IRAG1: variants seen among roughly 807,000 people sequenced by gnomAD.
IRAG1 encodes the protein IP3R-associated cGMP kinase substrate.
A neutral mutation model predicts 106.2 loss-of-function variants in IRAG1; 62 were observed. The observed-to-expected ratio is 0.58, with a 90% CI of 0.48 to 0.72. The LOEUF is 0.72. IRAG1 is among the 30% of genes least tolerant of loss of function. The pLI, the probability that IRAG1 is intolerant of heterozygous loss-of-function variation, is 0.00. For missense variants in IRAG1, 1,064 were observed against 1,140.7 expected, an observed-to-expected ratio of 0.93 and a Z score of 0.97; for synonymous variants, 462 against 443.9, an observed-to-expected ratio of 1.04 and a Z score of -0.51.
In IRAG1 at chr11:10,693,733, G is replaced by A. The variant is rs986635306; in HGVS notation, c.-131C>T. The stretch of plus-strand genomic sequence containing the variant: ...AGAGCTCCTCTGGGAGCCCCACTCC[G>A]GCCTGGCTCGGGGGATAATGGCAGG... On this transcript the variant is annotated 5_prime_UTR_variant, in exon 1 of 21. Coordinates refer to ENST00000423302, the MANE Select transcript of IRAG1 (RefSeq NM_130385.4). 52 of 1,082,626 alleles carry A rather than the reference G, an allele frequency of 4.8e-5. No individual in the cohort carries two copies. Among genetic ancestry groups the A allele is most frequent in the Non-Finnish European group, 6.4e-5 (49 of 761,106 alleles). 67.1% of individuals were successfully genotyped at this position (1,082,626 alleles called of 1,614,324 possible). A position where few individuals can be genotyped will look rare whatever the true frequency, so the allele number is the denominator to read the frequency against.
chr11:10,603,037 C>G, intron 14 of IRAG1, 83 bp downstream of exon 14: 5 of 1,481,300 alleles, frequency 3.4e-6, no homozygotes, highest in Non-Finnish European at 3.6e-6. Context: ...TAAGTGGTAT[C>G]TGTAGTTGCC....
At chr11:10,663,368 C>G (rs112894300) in intron 1 of IRAG1, among the ~76,000 whole-genome samples, 4 of 152,132 alleles carry the variant, frequency 2.6e-5, no homozygotes, top group African/African-American at 9.7e-5. Flanking sequence ...TATTAGGAAC[C>G]TGTAGGAATA....
At chr11:10,637,486 G>T (rs1857227521) in intron 2 of IRAG1, among the ~76,000 whole-genome samples, 1 of 152,096 alleles carries the variant, frequency 6.6e-6, no homozygotes, top group Non-Finnish European at 1.5e-5. Context: ...GTCCTCCTGT[G>T]GCTTTATCCC....
chr11:10,669,310 C>T (rs924732479), intron 1 of IRAG1, among the ~76,000 whole-genome samples: 7 of 152,146 alleles, frequency 4.6e-5, no homozygotes, highest in East Asian at 1.9e-4. Context: ...GCCAGTCACC[C>T]GCCTCTCTGG....
intron 10 of IRAG1, among the ~76,000 whole-genome samples, chr11:10,617,809 T>C (rs557558163): frequency 6.6e-6 from 1 of 152,320 alleles, no homozygotes; most frequent in East Asian, 1.9e-4. Flanking sequence ...TGATCTCCAA[T>C]AGCTGTCAAA....
intron 2 of IRAG1, among the ~76,000 whole-genome samples, chr11:10,651,014 T>C (rs990490102): frequency 2.6e-5 from 4 of 152,246 alleles, no homozygotes; most frequent in Non-Finnish European, 5.9e-5. Context: ...GCTCCACTTA[T>C]AGATTCTTCC....
chr11:10,651,360 T>C (rs756548563), intron 2 of IRAG1, among the ~76,000 whole-genome samples: 3 of 152,224 alleles, frequency 2.0e-5, no homozygotes, highest in Non-Finnish European at 4.4e-5. Flanking sequence ...TAAAGTAAAA[T>C]GTGAAGAGCG....
At chr11:10,633,150 C>T (rs1360955987) in intron 3 of IRAG1, among the ~76,000 whole-genome samples, 1 of 148,256 alleles carries the variant, frequency 6.7e-6, no homozygotes, top group African/African-American at 2.5e-5. Flanking sequence ...TCTGGGCTCA[C>T]TGCAAGCTCC....
At chr11:10,593,452 C>T (rs1303761425) in intron 17 of IRAG1, 40 bp downstream of exon 17, 1 of 1,561,136 alleles carries the variant, frequency 6.4e-7, no homozygotes, top group African/African-American at 1.4e-5. Flanking sequence ...AAAGGTTATT[C>T]TACTATTCTG....
chr11:10,592,439 A>G (rs749057718), intron 17 of IRAG1, among the ~76,000 whole-genome samples: 1 of 152,190 alleles, frequency 6.6e-6, no homozygotes, highest in Non-Finnish European at 1.5e-5. Context: ...TTAGTGGGTA[A>G]TTTGGGAATT....
At chr11:10,586,670 G>A (rs571480730) in intron 18 of IRAG1, among the ~76,000 whole-genome samples, 3 of 152,096 alleles carry the variant, frequency 2.0e-5, no homozygotes, top group South Asian at 4.2e-4. Flanking sequence ...CACCTGCCTC[G>A]GCCTCCCAAA....
intron 18 of IRAG1, chr11:10,586,245 T>C (rs973444084): frequency 2.0e-5 from 3 of 152,286 alleles, no homozygotes; most frequent in Admixed American, 2.0e-4. Flanking sequence ...AAATGTTTGC[T>C]GTTCTCTCCT....
At chr11:10,661,701 C>T (rs2135018994) in intron 1 of IRAG1, among the ~76,000 whole-genome samples, 1 of 152,282 alleles carries the variant, frequency 6.6e-6, no homozygotes, top group Non-Finnish European at 1.5e-5. Flanking sequence ...CTCTGACTTT[C>T]ACCGTCCTGC....
intron 1 of IRAG1, among the ~76,000 whole-genome samples, chr11:10,666,564 T>G (rs1425150): frequency 0.25 from 37,439 of 152,188 alleles, 5,760 homozygotes; most frequent in East Asian, 0.81. Context: ...GGAGAAGGTA[T>G]CATCCCTAAC....
intron 1 of IRAG1, among the ~76,000 whole-genome samples, chr11:10,668,884 G>A (rs1191729664): frequency 1.3e-5 from 2 of 152,208 alleles, no homozygotes; most frequent in Non-Finnish European, 2.9e-5. Context: ...GATGGGGTAA[G>A]TGCCAGCAGA....
chr11:10,604,100 T>A (rs1854277436), intron 13 of IRAG1, among the ~76,000 whole-genome samples: 1 of 152,188 alleles, frequency 6.6e-6, no homozygotes, highest in African/African-American at 2.4e-5. Context: ...TTCTGGTGCT[T>A]GGAGAAGCCC....
In IRAG1 at chr11:10,628,898, T is replaced by G. The variant is rs1856478692; in HGVS notation, c.575-70A>C. ...GACTTCAACCTGGCAAAGGCATCCT[T>G]TTAGGTATTCCCAGGCCCTGGGAAC... On this transcript the variant is annotated intron_variant, in intron 5 of 20. Coordinates refer to ENST00000423302, the MANE Select transcript of IRAG1 (RefSeq NM_130385.4). The surrounding 1 kb of genome is among the most constrained non-coding windows in gnomAD (Gnocchi z 4.1). 2.3e-5 allele frequency: 33 copies of G among 1,430,664 alleles called. No homozygotes were observed. In the South Asian group the frequency reaches 4.1e-4, roughly 18 times the overall value. 88.6% of individuals were successfully genotyped at this position (1,430,664 alleles called of 1,614,324 possible).
intron 2 of IRAG1, among the ~76,000 whole-genome samples, chr11:10,645,964 A>G (rs1297339196): frequency 6.6e-6 from 1 of 152,252 alleles, no homozygotes; most frequent in Non-Finnish European, 1.5e-5. Context: ...GTTAGTGGCT[A>G]TTCCTATAAC....
At chr11:10,638,373 T>C (rs1857285826) in intron 2 of IRAG1, among the ~76,000 whole-genome samples, 2 of 152,190 alleles carry the variant, frequency 1.3e-5, no homozygotes, top group Admixed American at 1.3e-4. Flanking sequence ...TGCATCTGAG[T>C]TACTGCCCTG....
Sources: gnomAD v4.1 joint callset for allele counts (sites outside exome capture counted in the v4.1 genomes callset) on GRCh38, gnomAD v4.1.1 for gene constraint, Gnocchi (gnomAD v3.1) non-coding constraint, MANE v1.5 for transcripts, NCBI Gene and HGNC (gene_info 2026-07-23, HGNC 2026-07-21) for gene names.